ENOX1: variants seen among roughly 807,000 people sequenced by gnomAD.
The protein encoded by ENOX1 is ecto-NOX disulfide-thiol exchanger 1.
In ENOX1, 42 loss-of-function variants were observed where a neutral mutation model predicts 82.5. The observed-to-expected ratio is 0.51, with a 90% CI of 0.40 to 0.66. ENOX1 has a LOEUF of 0.66. Ranked by LOEUF, ENOX1 falls within the 30% of genes least tolerant of loss-of-function variation. The pLI is 0.00. For synonymous variants in ENOX1, 271 were observed against 282.2 expected (o/e 0.96, Z 0.40); for missense variants, 608 against 811.6 (o/e 0.75, Z 3.05).
At chr13:43,706,399 A>C (rs2087288837) in intron 1 of ENOX1, among the ~76,000 whole-genome samples, 1 of 152,036 alleles carries the variant, frequency 6.6e-6, no homozygotes, top group African/African-American at 2.4e-5. Context: ...ATACCACAAC[A>C]CAATTTACAA....
chr13:43,602,420 C>G (rs545852311), intron 2 of ENOX1, among the ~76,000 whole-genome samples: 1 of 151,968 alleles, frequency 6.6e-6, no homozygotes, highest in East Asian at 1.9e-4. Context: ...ATTTTAAAAC[C>G]TTATTTGTGA....
chr13:43,756,972 CA>C (rs1164153402), intron 1 of ENOX1, among the ~76,000 whole-genome samples: 519 of 28,100 alleles, frequency 0.018, 9 homozygotes, highest in South Asian at 0.15. Flanking sequence ...AAAACAACAA[CA>C]AAAAAAAAAA....
intron 2 of ENOX1, among the ~76,000 whole-genome samples, chr13:43,511,018 A>G (rs897239927): frequency 9.9e-5 from 15 of 152,208 alleles, no homozygotes; most frequent in African/African-American, 3.6e-4. Flanking sequence ...TTAAGGCTAT[A>G]TTTTACATTG....
intron 2 of ENOX1, among the ~76,000 whole-genome samples, chr13:43,535,062 G>T (rs118137249): frequency 0.043 from 6,486 of 152,168 alleles, 192 homozygotes; most frequent in Non-Finnish European, 0.063. Flanking sequence ...CTTTAGCAAG[G>T]AGCTTAAACA....
At chr13:43,472,015 AAAAAG>A (rs1438123070) in intron 3 of ENOX1, among the ~76,000 whole-genome samples, 4 of 151,900 alleles carry the variant, frequency 2.6e-5, no homozygotes, top group African/African-American at 4.8e-5. Flanking sequence ...TTTCACAAAA[AAAAAG>A]AAAAGAAAAA....
At chr13:43,443,640 A>G (rs2056476369) in intron 3 of ENOX1, among the ~76,000 whole-genome samples, 1 of 152,156 alleles carries the variant, frequency 6.6e-6, no homozygotes, top group South Asian at 2.1e-4. Flanking sequence ...TGTACTTGAG[A>G]TAACTGGTAT....
intron 1 of ENOX1, among the ~76,000 whole-genome samples, chr13:43,669,477 A>AT (rs1388003791): frequency 6.6e-6 from 1 of 151,588 alleles, no homozygotes; most frequent in Admixed American, 6.6e-5. Context: ...CAATCTGCCC[A>AT]TTTTTTCACC....
intron 2 of ENOX1, among the ~76,000 whole-genome samples, chr13:43,507,594 C>T (rs752529101): frequency 6.6e-6 from 1 of 151,904 alleles, no homozygotes; most frequent in Non-Finnish European, 1.5e-5. Flanking sequence ...TACAAAGATT[C>T]GGAGTATTTA....
chr13:43,616,734 C>G (rs907703610), intron 2 of ENOX1, among the ~76,000 whole-genome samples: 1 of 152,160 alleles, frequency 6.6e-6, no homozygotes, highest in South Asian at 2.1e-4. Flanking sequence ...TGACATTTCT[C>G]TCTCTTCCCT....
chr13:43,437,045 A>G (rs1454490144), intron 3 of ENOX1, among the ~76,000 whole-genome samples: 5 of 152,218 alleles, frequency 3.3e-5, no homozygotes, highest in Admixed American at 3.3e-4. Context: ...AAGAGGCCTA[A>G]ATACAGGACT....
At chr13:43,263,973 G>A (rs1313699175) in intron 14 of ENOX1, among the ~76,000 whole-genome samples, 2 of 152,186 alleles carry the variant, frequency 1.3e-5, no homozygotes, top group Non-Finnish European at 2.9e-5. Flanking sequence ...TTGCCTATGG[G>A]GAGCTCTGTA....
chr13:43,562,891 A>G lies in ENOX1; in HGVS notation c.-218-78739T>C, dbSNP rs970068710. On this transcript the variant is annotated intron_variant, in intron 2 of 16. Transcript: ENST00000690772. ...TGGAGCACCCAAATATAGAAAGCAA[A>G]TGTTACTAGAGCTAAAGAGAGAGAC... is the stretch of plus-strand genomic sequence containing the variant. Among the ~76,000 whole-genome samples the G allele has an allele frequency of 2.0e-5, 3 of 152,124 alleles. No homozygotes were observed. In the South Asian group the frequency reaches 6.2e-4, roughly 32 times the overall value.
intron 1 of ENOX1, among the ~76,000 whole-genome samples, chr13:43,678,083 A>AC (rs2085600136): frequency 6.6e-6 from 1 of 152,180 alleles, no homozygotes; most frequent in Admixed American, 6.6e-5. Context: ...TGCATACAAT[A>AC]TATCCAGGAG....
chr13:43,318,694 C>A (rs9533455), intron 11 of ENOX1, among the ~76,000 whole-genome samples: 1 of 152,142 alleles, frequency 6.6e-6, no homozygotes, highest in Non-Finnish European at 1.5e-5. Context: ...AGTCCACAGA[C>A]TTTTATTGAT....
intron 15 of ENOX1, among the ~76,000 whole-genome samples, chr13:43,228,015 A>T (rs1304794759): frequency 2.0e-5 from 3 of 151,676 alleles, no homozygotes; most frequent in African/African-American, 4.8e-5. Flanking sequence ...CACTTGAGAA[A>T]ATGTTTCTAG....
At chr13:43,486,711 T>G (rs1018095510) in intron 2 of ENOX1, among the ~76,000 whole-genome samples, 2 of 152,208 alleles carry the variant, frequency 1.3e-5, no homozygotes, top group African/African-American at 2.4e-5. Context: ...GTGTTCCTGC[T>G]TCATTACTTC....
At chr13:43,615,789 G>C (rs1272889450) in intron 2 of ENOX1, among the ~76,000 whole-genome samples, 1 of 151,600 alleles carries the variant, frequency 6.6e-6, no homozygotes, top group African/African-American at 2.4e-5. Context: ...TCCCCTCCCT[G>C]TGTCCATGTG....
intron 2 of ENOX1, among the ~76,000 whole-genome samples, chr13:43,520,768 G>A (rs966510145): frequency 6.6e-6 from 1 of 152,176 alleles, no homozygotes; most frequent in East Asian, 1.9e-4. Flanking sequence ...CAGCAAGCAA[G>A]TCTAGGCTCT....
chr13:43,634,609 G>A (rs1431318717), intron 2 of ENOX1, among the ~76,000 whole-genome samples: 1 of 152,126 alleles, frequency 6.6e-6, no homozygotes, highest in Middle Eastern at 3.2e-3. Context: ...TCCAGTGTTG[G>A]CTAATGATAG....
Sources: allele counts gnomAD v4.1 joint callset (sites outside exome capture counted in the v4.1 genomes callset), GRCh38; gene constraint gnomAD v4.1.1; transcripts MANE v1.5; gene names NCBI Gene and HGNC (gene_info 2026-07-23, HGNC 2026-07-21).